Variants in EGFLAM observed in about 807,000 individuals in gnomAD.
EGFLAM encodes pikachurin.
Under a neutral mutation model 113.1 loss-of-function variants are expected in EGFLAM, and 79 were observed. That is an observed-to-expected ratio of 0.70 (90% confidence interval 0.58 to 0.84). EGFLAM has a LOEUF of 0.84. EGFLAM is among the 40% of genes least tolerant of loss of function. EGFLAM has a pLI of 0.00. For missense variants in EGFLAM, 1,265 were observed against 1,291.6 expected, an observed-to-expected ratio of 0.98 and a Z score of 0.32; for synonymous variants, 504 against 487.6, an observed-to-expected ratio of 1.03 and a Z score of -0.44.
chr5:38,385,870 G>A (rs914717320), intron 6 of EGFLAM, among the ~76,000 whole-genome samples: 12 of 152,166 alleles, frequency 7.9e-5, no homozygotes, highest in African/African-American at 2.7e-4. Flanking sequence ...CTTGTTGTGC[G>A]AACATCCTAG....
intron 21 of EGFLAM, 61 bp downstream of exon 21, chr5:38,463,072 A>G: frequency 6.5e-7 from 1 of 1,530,910 alleles, no homozygotes; most frequent in Non-Finnish European, 9.0e-7. Context: ...TTAGTCTTCC[A>G]TTTGCTGTGC....
chr5:38,368,195 C>T (rs551021884), intron 5 of EGFLAM, among the ~76,000 whole-genome samples: 38 of 152,264 alleles, frequency 2.5e-4, no homozygotes, highest in Non-Finnish European at 4.4e-4. Flanking sequence ...TTTTAGGTAT[C>T]CCCTGTGGTT....
At position 38,263,864 on chromosome 5, in the gene EGFLAM, A is replaced by T. The variant is rs995992478; in HGVS notation, c.97+5013A>T. On this transcript the variant is annotated intron_variant, in intron 1 of 21. Coordinates refer to ENST00000322350, the MANE Select transcript of EGFLAM (RefSeq NM_152403.4). ...GATATCTTGGCTTTATTTTCTAAGC[A>T]CTCTTATGCTTGGTGGTGGGAGGTG... Among the ~76,000 whole-genome samples, 22 of 152,000 alleles carry T rather than the reference A, an allele frequency of 1.4e-4. No individual in the cohort carries two copies. In the East Asian group the frequency reaches 4.3e-3, roughly 29 times the overall value.
chr5:38,259,542 C>A (rs944403094), intron 1 of EGFLAM, among the ~76,000 whole-genome samples: 1 of 152,188 alleles, frequency 6.6e-6, no homozygotes. Context: ...GGTAAAAAGT[C>A]TTCGTTTATT....
rs924008028 is a variant in EGFLAM at position 38,362,819 on chromosome 5, C to T, written c.546-7477C>T. Among the ~76,000 whole-genome samples the T allele has an allele frequency of 7.9e-5, 12 of 152,290 alleles. No individual in the cohort carries two copies. In the East Asian group the frequency reaches 1.9e-3, roughly 24 times the overall value. On this transcript the variant is annotated intron_variant, in intron 5 of 21. Coordinates refer to ENST00000322350, the MANE Select transcript of EGFLAM (RefSeq NM_152403.4). ...CTACTCTAAAGGATTTAAAGAAGTC[C>T]GACCTGTAGTTCGGCAAATTGATCC... is the stretch of plus-strand genomic sequence containing the variant.
chr5:38,369,070 T>C (rs1436784645), intron 5 of EGFLAM, among the ~76,000 whole-genome samples: 1 of 152,214 alleles, frequency 6.6e-6, no homozygotes, highest in African/African-American at 2.4e-5. Flanking sequence ...TTGTAGTTCT[T>C]ATTACCTGGA....
At chr5:38,455,235 G>C (rs1459120280) in intron 19 of EGFLAM, among the ~76,000 whole-genome samples, 1 of 152,130 alleles carries the variant, frequency 6.6e-6, no homozygotes, top group African/African-American at 2.4e-5. Context: ...TTTCCAAAAG[G>C]CCTCACCTGA....
chr5:38,340,264 T>A (rs1420217930), intron 3 of EGFLAM, among the ~76,000 whole-genome samples: 1 of 152,160 alleles, frequency 6.6e-6, no homozygotes, highest in Non-Finnish European at 1.5e-5. Context: ...TTGGTCAGAG[T>A]CACTTAACCT....
chr5:38,417,891 C>T (rs111475599), intron 11 of EGFLAM, among the ~76,000 whole-genome samples, 175 bp from the exon 12 acceptor site: 173 of 152,248 alleles, frequency 1.1e-3, no homozygotes, highest in East Asian at 3.7e-3. Context: ...GAGCTCCCTA[C>T]GGTAATCGTG....
At chr5:38,392,638 G>A (rs1026578110) in intron 6 of EGFLAM, among the ~76,000 whole-genome samples, 3 of 144,508 alleles carry the variant, frequency 2.1e-5, no homozygotes, top group East Asian at 1.9e-4. Context: ...TTGGGGGGGC[G>A]GTTCTCACTG....
At chr5:38,289,277 C>CA (rs33960809) in intron 1 of EGFLAM, among the ~76,000 whole-genome samples, 7 of 146,530 alleles carry the variant, frequency 4.8e-5, no homozygotes, top group African/African-American at 1.1e-4. Flanking sequence ...CTTTCCCCGC[C>CA]CCCACATTTC....
At chr5:38,427,574 G>A (rs1181507616) in intron 14 of EGFLAM, among the ~76,000 whole-genome samples, 4 of 152,136 alleles carry the variant, frequency 2.6e-5, no homozygotes, top group East Asian at 1.9e-4. Flanking sequence ...CATGTCATCC[G>A]CAGAAACTTG....
chr5:38,459,868 C>CAGAT (rs1353281114), intron 20 of EGFLAM, among the ~76,000 whole-genome samples: 14 of 152,334 alleles, frequency 9.2e-5, no homozygotes, highest in African/African-American at 3.4e-4. Context: ...CTCAGCTTCC[C>CAGAT]AGATGGTCTA....
intron 6 of EGFLAM, among the ~76,000 whole-genome samples, chr5:38,376,012 A>G (rs1740355214): frequency 6.6e-6 from 1 of 152,200 alleles, no homozygotes; most frequent in African/African-American, 2.4e-5. Context: ...AAATTCAAAG[A>G]AGACCCAAAT....
chr5:38,463,052 G>A, intron 21 of EGFLAM, 41 bp downstream of exon 21: 1 of 1,583,508 alleles, frequency 6.3e-7, no homozygotes, highest in Non-Finnish European at 8.6e-7. Flanking sequence ...TTAGGCCAGT[G>A]CTTTTCTTGT....
intron 17 of EGFLAM, among the ~76,000 whole-genome samples, chr5:38,441,997 C>T (rs910774185): frequency 2.0e-5 from 3 of 152,142 alleles, no homozygotes; most frequent in African/African-American, 7.2e-5. Context: ...TCATCAGGGG[C>T]GCACAGTCCT....
chr5:38,428,567 A>G (rs1742089708), intron 14 of EGFLAM, among the ~76,000 whole-genome samples: 1 of 152,224 alleles, frequency 6.6e-6, no homozygotes, highest in African/African-American at 2.4e-5. Context: ...AAAGGAAGAC[A>G]CCTTGAATAT....
chr5:38,403,601 C>A, intron 6 of EGFLAM: 1 of 515,842 alleles, frequency 1.9e-6, no homozygotes, highest in Non-Finnish European at 3.3e-6. Context: ...ATATGCCAGA[C>A]AGAGGGATGA....
intron 4 of EGFLAM, among the ~76,000 whole-genome samples, chr5:38,351,793 A>G (rs1034840753): frequency 4.6e-5 from 7 of 152,184 alleles, no homozygotes; most frequent in African/African-American, 1.2e-4. Context: ...TTTTCCTTGA[A>G]GGTAAATATC....
Sources: gnomAD v4.1 joint callset for allele counts (sites outside exome capture counted in the v4.1 genomes callset) on GRCh38, gnomAD v4.1.1 for gene constraint, MANE v1.5 for transcripts, NCBI Gene and HGNC (gene_info 2026-07-23, HGNC 2026-07-21) for gene names.